Variants in LRRC4C observed in about 807,000 individuals in gnomAD.
LRRC4C encodes the protein leucine rich repeat containing 4C.
A neutral mutation model predicts 33.6 loss-of-function variants in LRRC4C; 5 were observed. The ratio of observed to expected loss-of-function variants is 0.15; its 90% CI spans 0.08 to 0.31. The LOEUF is 0.31. Among genes scored for constraint, LRRC4C ranks in the 10% least tolerant of loss-of-function variants. LRRC4C has a pLI of 1.00. For missense variants in LRRC4C, 560 were observed against 796.7 expected (o/e 0.70, Z 3.58); for synonymous variants, 329 against 302.0 (o/e 1.09, Z -0.93).
chr11:40,156,586 C>A (rs916989602), intron 5 of LRRC4C, among the ~76,000 whole-genome samples: 4 of 151,928 alleles, frequency 2.6e-5, no homozygotes, highest in African/African-American at 9.7e-5. Flanking sequence ...AAGAACTCAA[C>A]CTCTTTTACA....
chr11:40,986,183 A>C (rs1232704870), intron 1 of LRRC4C, among the ~76,000 whole-genome samples: 1 of 152,200 alleles, frequency 6.6e-6, no homozygotes, highest in East Asian at 1.9e-4. Context: ...TTGATTCAGA[A>C]GGCTCTGGAC....
intron 3 of LRRC4C, among the ~76,000 whole-genome samples, chr11:40,574,016 C>A (rs753293100): frequency 6.6e-6 from 1 of 152,090 alleles, no homozygotes; most frequent in Non-Finnish European, 1.5e-5. Context: ...GTTAAAGTAG[C>A]TCAGTAATTT....
chr11:41,068,411 T>A (rs866689280), intron 1 of LRRC4C, among the ~76,000 whole-genome samples: 24 of 150,834 alleles, frequency 1.6e-4, no homozygotes, highest in South Asian at 4.2e-4. Flanking sequence ...CAAAAAAAAA[T>A]AAATAAATAA....
intron 2 of LRRC4C, among the ~76,000 whole-genome samples, chr11:40,875,441 G>A (rs1365762431): frequency 2.6e-5 from 4 of 152,088 alleles, no homozygotes; most frequent in Admixed American, 6.6e-5. Context: ...AATAAAGGGC[G>A]TTACATGCAC....
At chr11:40,254,106 C>A (rs751592195) in intron 4 of LRRC4C, among the ~76,000 whole-genome samples, 3 of 152,158 alleles carry the variant, frequency 2.0e-5, no homozygotes, top group Non-Finnish European at 4.4e-5. Context: ...TTTCCCGTAT[C>A]CTTGCAGGTA....
intron 1 of LRRC4C, among the ~76,000 whole-genome samples, chr11:41,289,678 A>C (rs1344077032): frequency 6.6e-6 from 1 of 152,120 alleles, no homozygotes; most frequent in Non-Finnish European, 1.5e-5. Flanking sequence ...TTAGTCCTAG[A>C]CTTCTGGTTT....
At chr11:40,859,101 G>A (rs1207499514) in intron 2 of LRRC4C, among the ~76,000 whole-genome samples, 4 of 152,202 alleles carry the variant, frequency 2.6e-5, no homozygotes, top group East Asian at 3.9e-4. Context: ...GATATAGAAC[G>A]TAGCAAACCA....
chr11:41,391,739 A>G (rs1953605119), intron 1 of LRRC4C, among the ~76,000 whole-genome samples: 2 of 151,956 alleles, frequency 1.3e-5, no homozygotes, highest in Admixed American at 1.3e-4. Flanking sequence ...CTCAGGAAAT[A>G]AAAAGTAAAC....
chr11:41,300,518 C>T (rs1306739090), intron 1 of LRRC4C, among the ~76,000 whole-genome samples: 1 of 152,284 alleles, frequency 6.6e-6, no homozygotes, highest in East Asian at 1.9e-4. Flanking sequence ...AACTAACGTC[C>T]TCTCTTCAAT....
At chr11:40,732,173 T>C (rs1483209286) in intron 2 of LRRC4C, among the ~76,000 whole-genome samples, 1 of 152,098 alleles carries the variant, frequency 6.6e-6, no homozygotes, top group Non-Finnish European at 1.5e-5. Flanking sequence ...TCACCTAAGG[T>C]AAAAATTATT....
At chr11:40,696,304 T>C (rs916611903) in intron 2 of LRRC4C, among the ~76,000 whole-genome samples, 5 of 130,300 alleles carry the variant, frequency 3.8e-5, no homozygotes, top group Non-Finnish European at 7.5e-5. Context: ...ATATATGGTA[T>C]ATATATATGT....
At chr11:40,507,486 G>A (rs536501366) in intron 3 of LRRC4C, among the ~76,000 whole-genome samples, 1 of 152,178 alleles carries the variant, frequency 6.6e-6, no homozygotes, top group East Asian at 1.9e-4. Flanking sequence ...CATTGTTGGT[G>A]AGAGTATGAA....
chr11:40,577,824 T>G (rs1211069855), intron 3 of LRRC4C, among the ~76,000 whole-genome samples: 1 of 144,360 alleles, frequency 6.9e-6, no homozygotes, highest in East Asian at 2.0e-4. Flanking sequence ...TTGTTTGTTT[T>G]CTTTTTTCTT....
intron 3 of LRRC4C, among the ~76,000 whole-genome samples, chr11:40,391,487 T>C (rs1178015545): frequency 6.6e-6 from 1 of 152,170 alleles, no homozygotes; most frequent in South Asian, 2.1e-4. Flanking sequence ...GATGTACCAC[T>C]ATTGTCTCCA....
intron 2 of LRRC4C, among the ~76,000 whole-genome samples, chr11:40,829,464 A>G (rs901712801): frequency 1.3e-5 from 2 of 152,046 alleles, no homozygotes; most frequent in African/African-American, 4.8e-5. Context: ...TTCTTTGGCA[A>G]TGCAGAGATT....
At chr11:40,409,125 G>T (rs1950065741) in intron 3 of LRRC4C, among the ~76,000 whole-genome samples, 1 of 151,820 alleles carries the variant, frequency 6.6e-6, no homozygotes, top group African/African-American at 2.4e-5. Flanking sequence ...TTTTGACAAA[G>T]GTGCCAAGAA....
chr11:40,777,415 G>T (rs1314512800), intron 2 of LRRC4C, among the ~76,000 whole-genome samples: 5 of 151,126 alleles, frequency 3.3e-5, no homozygotes, highest in African/African-American at 1.2e-4. Context: ...AATTTGGGGT[G>T]TGTATATGTT....
intron 1 of LRRC4C, among the ~76,000 whole-genome samples, chr11:41,030,044 T>C (rs1856618220): frequency 6.6e-6 from 1 of 151,804 alleles, no homozygotes; most frequent in Non-Finnish European, 1.5e-5. Flanking sequence ...GAAAATAGCG[T>C]CCAGAAAGGT....
intron 2 of LRRC4C, among the ~76,000 whole-genome samples, chr11:40,897,507 C>A (rs1480446493): frequency 2.6e-5 from 4 of 152,072 alleles, no homozygotes; most frequent in African/African-American, 9.7e-5. Flanking sequence ...GTGACCCAAT[C>A]TACCACTGTA....
Sources: gnomAD v4.1 joint callset for allele counts (sites outside exome capture counted in the v4.1 genomes callset) on GRCh38, gnomAD v4.1.1 for gene constraint, MANE v1.5 for transcripts, NCBI Gene and HGNC (gene_info 2026-07-23, HGNC 2026-07-21) for gene names.